The following MB21D2 variants were observed in gnomAD, a reference collection of about 807,000 sequenced individuals.
The protein encoded by MB21D2 is Mab-21 domain containing 2.
A neutral mutation model predicts 33.3 loss-of-function variants in MB21D2; 9 were observed. That is an observed-to-expected ratio of 0.27 (90% CI 0.16 to 0.47). The LOEUF is 0.47. MB21D2 is among the 20% of genes least tolerant of loss of function. MB21D2 has a pLI of 0.99. For missense variants in MB21D2, 540 were observed against 624.6 expected, an observed-to-expected ratio of 0.86 and a Z score of 1.44; for synonymous variants, 241 against 236.3, an observed-to-expected ratio of 1.02 and a Z score of -0.18.
intron 1 of MB21D2, among the ~76,000 whole-genome samples, chr3:192,903,057 C>T (rs904539575): frequency 1.3e-4 from 20 of 152,342 alleles, no homozygotes; most frequent in Admixed American, 5.9e-4. Flanking sequence ...TAGCATCCTT[C>T]CTCTAATAGC....
chr3:192,817,270 T>A (rs1040355135), intron 1 of MB21D2, among the ~76,000 whole-genome samples: 1 of 152,164 alleles, frequency 6.6e-6, no homozygotes, highest in Non-Finnish European at 1.5e-5. Context: ...ATGCAGTGCT[T>A]TGTAATGCAA....
At chr3:192,909,627 G>C (rs10937560) in intron 1 of MB21D2, among the ~76,000 whole-genome samples, 68,502 of 151,814 alleles carry the variant, frequency 0.45, 17,897 homozygotes, top group Non-Finnish European at 0.58. Flanking sequence ...ACCCAGGTTA[G>C]GGAACTCTGA....
At chr3:192,901,413 C>CAAAAAA (rs71635401) in intron 1 of MB21D2, among the ~76,000 whole-genome samples, 27 of 100,856 alleles carry the variant, frequency 2.7e-4, no homozygotes, top group East Asian at 7.4e-4. Flanking sequence ...ACTAAAAATT[C>CAAAAAA]AAAAAAAAAA....
rs561053596 is a variant in MB21D2 at position 192,862,269 on chromosome 3, AG to A, written c.211+55360del. 8.1e-4 allele frequency among the ~76,000 whole-genome samples: 124 copies of A among 152,348 alleles called. 1 individual carries two copies. Among genetic ancestry groups the A allele is most frequent in the African/African-American group, 2.7e-3 (113 of 41,588 alleles). The stretch of plus-strand genomic sequence containing the variant: ...AACTATAGACTGGATGATGATTTGA[AG>A]GAACTGGGAACATTCAGAAAGGAGG... On this transcript the variant is annotated intron_variant, in intron 1 of 1. Coordinates refer to ENST00000392452, the MANE Select transcript of MB21D2 (RefSeq NM_178496.4).
intron 1 of MB21D2, among the ~76,000 whole-genome samples, chr3:192,836,103 A>G (rs561309800): frequency 6.6e-6 from 1 of 152,340 alleles, no homozygotes; most frequent in African/African-American, 2.4e-5. Flanking sequence ...AGATCTAATT[A>G]TAGACATAGC....
chr3:192,858,137 C>CA (rs1237527956), intron 1 of MB21D2, among the ~76,000 whole-genome samples: 2 of 152,006 alleles, frequency 1.3e-5, no homozygotes, highest in African/African-American at 4.8e-5. Flanking sequence ...AAAAACAAAA[C>CA]AAAACAAACA....
intron 1 of MB21D2, among the ~76,000 whole-genome samples, chr3:192,837,116 G>C (rs1466107265): frequency 6.6e-6 from 1 of 152,104 alleles, no homozygotes; most frequent in African/African-American, 2.4e-5. Context: ...AATATGCCCT[G>C]TTTGAGTCCA....
At chr3:192,896,667 T>G (rs543210408) in intron 1 of MB21D2, among the ~76,000 whole-genome samples, 66 of 152,212 alleles carry the variant, frequency 4.3e-4, no homozygotes, top group Non-Finnish European at 8.8e-4. Flanking sequence ...CACTGGAAAC[T>G]AAGTCTTCCC....
At chr3:192,904,711 T>G (rs1279195135) in intron 1 of MB21D2, among the ~76,000 whole-genome samples, 1 of 152,168 alleles carries the variant, frequency 6.6e-6, no homozygotes, top group Admixed American at 6.5e-5. Flanking sequence ...ACCACGGCAG[T>G]GGAAGAACAA....
At chr3:192,901,579 T>C (rs1008330230) in intron 1 of MB21D2, among the ~76,000 whole-genome samples, 5 of 152,120 alleles carry the variant, frequency 3.3e-5, no homozygotes, top group African/African-American at 1.2e-4. Context: ...CCAATGAATA[T>C]GCTTCAATGC....
At chr3:192,808,849 G>A (rs1211891878) in intron 1 of MB21D2, among the ~76,000 whole-genome samples, 1 of 152,218 alleles carries the variant, frequency 6.6e-6, no homozygotes, top group Non-Finnish European at 1.5e-5. Context: ...CAGCCCTGCT[G>A]CTGTCACATC....
intron 1 of MB21D2, among the ~76,000 whole-genome samples, chr3:192,863,798 C>A (rs532722441): frequency 4.6e-5 from 7 of 152,282 alleles, no homozygotes; most frequent in Middle Eastern, 3.4e-3. Context: ...CTCCTTCCAT[C>A]AGGTGAGGAC....
chr3:192,903,383 C>T (rs1002326911), intron 1 of MB21D2, among the ~76,000 whole-genome samples: 3 of 152,146 alleles, frequency 2.0e-5, no homozygotes, highest in East Asian at 1.9e-4. Context: ...ACCTAATTTT[C>T]GAGTTTCCTG....
chr3:192,843,355 G>GT (rs1399248825), intron 1 of MB21D2, among the ~76,000 whole-genome samples: 2 of 152,096 alleles, frequency 1.3e-5, no homozygotes, highest in Non-Finnish European at 2.9e-5. Flanking sequence ...TTTCTTATGA[G>GT]GAACAAGTGC....
At chr3:192,807,976 T>C (rs951093447) in intron 1 of MB21D2, among the ~76,000 whole-genome samples, 4 of 151,554 alleles carry the variant, frequency 2.6e-5, no homozygotes, top group Admixed American at 6.6e-5. Flanking sequence ...GCGGGAGGGA[T>C]TGGGGGCGCT....
chr3:192,828,066 T>C (rs1213708634), intron 1 of MB21D2, among the ~76,000 whole-genome samples: 1 of 152,072 alleles, frequency 6.6e-6, no homozygotes, highest in East Asian at 1.9e-4. Flanking sequence ...AGACATATCT[T>C]TTGCCTTCCG....
chr3:192,910,731 T>A (rs953787734), intron 1 of MB21D2, among the ~76,000 whole-genome samples: 2 of 152,214 alleles, frequency 1.3e-5, no homozygotes, highest in African/African-American at 4.8e-5. Flanking sequence ...CACAGATGTT[T>A]AGAAGAAATG....
intron 1 of MB21D2, among the ~76,000 whole-genome samples, chr3:192,831,926 T>TGTG (rs1464030107): frequency 6.6e-6 from 1 of 152,174 alleles, no homozygotes; most frequent in Non-Finnish European, 1.5e-5. Flanking sequence ...CTAATTAAAC[T>TGTG]GGCTCTGCTG....
intron 1 of MB21D2, among the ~76,000 whole-genome samples, chr3:192,867,496 G>T (rs79321237): frequency 0.035 from 5,388 of 152,252 alleles, 298 homozygotes; most frequent in African/African-American, 0.12. Flanking sequence ...GTGAGTACAG[G>T]TACTCTGGCT....
Sources: allele counts gnomAD v4.1 joint callset (sites outside exome capture counted in the v4.1 genomes callset), GRCh38; gene constraint gnomAD v4.1.1; transcripts MANE v1.5; gene names NCBI Gene and HGNC (gene_info 2026-07-23, HGNC 2026-07-21).